The following TAF1B variants were observed in gnomAD, a reference collection of about 807,000 sequenced individuals.
TAF1B encodes TATA-box binding protein associated factor, RNA polymerase I subunit B.
TAF1B carries 61 observed loss-of-function variants against 83.9 expected under a neutral mutation model. That is an observed-to-expected ratio of 0.73 (90% CI 0.59 to 0.90). The LOEUF (loss-of-function observed/expected upper bound fraction) is 0.90. TAF1B is among the 40% of genes least tolerant of loss of function. TAF1B has a pLI of 0.00. For missense variants in TAF1B, 625 were observed against 677.0 expected (o/e 0.92, Z 0.85); for synonymous variants, 221 against 224.6 (o/e 0.98, Z 0.14).
chr2:9,868,188 T>C (rs1410041941), intron 5 of TAF1B, 88 bp from the exon 6 acceptor site: 1 of 1,372,452 alleles, frequency 7.3e-7, no homozygotes, highest in Admixed American at 2.0e-5. Context: ...TCTTTTAGGG[T>C]GTTTGTGATA....
intron 5 of TAF1B, among the ~76,000 whole-genome samples, chr2:9,859,128 G>A (rs963515445): frequency 2.6e-5 from 4 of 152,084 alleles, no homozygotes; most frequent in African/African-American, 7.2e-5. Flanking sequence ...TAATCTCTTT[G>A]TGAACACACA....
rs112689063 is a variant in TAF1B, at chr2:9,875,738, G to A, written c.554-127G>A. On this transcript the variant is annotated intron_variant, in intron 6 of 14. Transcript: ENST00000263663. ...AATTATGAGAACTACAGTTCAAGAT[G>A]AGATTTGGGTGAGGACACAGCCAAA... 9.4e-4 allele frequency: 881 copies of A among 932,958 alleles called. 10 individuals carry two copies. In the African/African-American group the frequency reaches 0.013, roughly 13 times the overall value. 57.8% of individuals were successfully genotyped at this position (932,958 alleles called of 1,614,324 possible).
chr2:9,851,639 G>A lies in TAF1B; in HGVS notation c.303+1G>A, dbSNP rs1423151388. 2.5e-6 allele frequency: 4 copies of A among 1,604,260 alleles called. No individual in the cohort carries two copies. Among genetic ancestry groups the A allele is most frequent in the Non-Finnish European group, 3.4e-6 (4 of 1,176,402 alleles). On this transcript the variant is annotated splice_donor_variant, in intron 4 of 14. Coordinates refer to ENST00000263663, the MANE Select transcript of TAF1B (RefSeq NM_005680.3). LOFTEE classifies it high-confidence loss of function. ...CCTTGGAGTAGGCCCAGAGTTAAAG[G>A]TAAGTACATTTGTGACTAGATGTTA...
intron 2 of TAF1B, among the ~76,000 whole-genome samples, chr2:9,847,513 A>G (rs1313043245): frequency 2.0e-5 from 3 of 152,116 alleles, no homozygotes; most frequent in East Asian, 1.9e-4. Context: ...AACTTGCCCT[A>G]TTTTTCTGCC....
At chr2:9,907,977 T>C (rs1201156176) in intron 9 of TAF1B, among the ~76,000 whole-genome samples, 1 of 151,466 alleles carries the variant, frequency 6.6e-6, no homozygotes, top group Non-Finnish European at 1.5e-5. Flanking sequence ...CAGTTGCTTT[T>C]CTTATTAGTC....
intron 6 of TAF1B, among the ~76,000 whole-genome samples, chr2:9,871,603 T>C (rs1055102721): frequency 6.6e-6 from 1 of 152,224 alleles, no homozygotes; most frequent in Admixed American, 6.5e-5. Flanking sequence ...CTAAGATAGC[T>C]ATTCTTACTT....
At chr2:9,891,567 ACTT>A (rs1458755471) in intron 8 of TAF1B, among the ~76,000 whole-genome samples, 1 of 152,166 alleles carries the variant, frequency 6.6e-6, no homozygotes, top group African/African-American at 2.4e-5. Context: ...TTTAAAGTGT[ACTT>A]CTTCTACTTA....
chr2:9,853,676 C>T (rs1481259575), intron 4 of TAF1B, among the ~76,000 whole-genome samples: 2 of 152,092 alleles, frequency 1.3e-5, no homozygotes, highest in Non-Finnish European at 2.9e-5. Context: ...CCATGTTGCC[C>T]AGGCTGGTTT....
chr2:9,851,426 TGAAA>T, intron 3 of TAF1B, 111 bp from the exon 4 acceptor site: 1 of 664,804 alleles, frequency 1.5e-6, no homozygotes, highest in Non-Finnish European at 2.3e-6. Context: ...CTGGGTTAAT[TGAAA>T]AAAAAAGAAA....
At position 9,919,046 on chromosome 2, in the gene TAF1B, T is replaced by C; in HGVS notation, c.1277T>C (p.Leu426Pro). The change falls in exon 13 of 15, where the codon CTG becomes CCG. Residue 426 changes from leucine to proline, a missense_variant. Coordinates refer to ENST00000263663, the MANE Select transcript of TAF1B (RefSeq NM_005680.3). ...TGTTTCTTTACCTTGTACAGGTACC[T>C]GTGGAAAAGTGAAAAGCCACTCTAC... Reference protein sequence around the residue: ...QKWEEARAKYLWKSEKPLYYS... With the variant: ...QKWEEARAKYPWKSEKPLYYS... 1 of 1,614,076 alleles carries C rather than the reference T, an allele frequency of 6.2e-7. No individual in the cohort carries two copies. Among genetic ancestry groups the C allele is most frequent in the Non-Finnish European group, 8.5e-7 (1 of 1,179,940 alleles).
intron 8 of TAF1B, among the ~76,000 whole-genome samples, chr2:9,887,864 T>A (rs1664728808): frequency 6.6e-6 from 1 of 152,094 alleles, no homozygotes; most frequent in Non-Finnish European, 1.5e-5. Flanking sequence ...TGTTTTATGT[T>A]TTTTAAGGCA....
chr2:9,850,189 T>C (rs1303565881), intron 3 of TAF1B, among the ~76,000 whole-genome samples: 1 of 152,182 alleles, frequency 6.6e-6, no homozygotes, highest in Non-Finnish European at 1.5e-5. Flanking sequence ...TTAAATTTTA[T>C]TGGAGTAAAA....
intron 8 of TAF1B, among the ~76,000 whole-genome samples, chr2:9,885,651 G>A (rs1482113051): frequency 6.6e-6 from 1 of 152,072 alleles, no homozygotes; most frequent in East Asian, 1.9e-4. Context: ...AGCGACTAGT[G>A]GAACTAAGTT....
chr2:9,862,861 G>A (rs1663822852), intron 5 of TAF1B, among the ~76,000 whole-genome samples: 1 of 152,092 alleles, frequency 6.6e-6, no homozygotes, highest in South Asian at 2.1e-4. Context: ...ATAAGTGAAG[G>A]AGAAATAAAA....
intron 14 of TAF1B, among the ~76,000 whole-genome samples, chr2:9,925,154 T>C (rs1665995624): frequency 6.6e-6 from 1 of 152,154 alleles, no homozygotes; most frequent in African/African-American, 2.4e-5. Flanking sequence ...GAAAAAACAG[T>C]ACTCAGGCCG....
chr2:9,881,294 T>C (rs1213048062), intron 7 of TAF1B, among the ~76,000 whole-genome samples: 2 of 151,686 alleles, frequency 1.3e-5, no homozygotes, highest in African/African-American at 2.4e-5. Flanking sequence ...GCTGAGATCA[T>C]GCCACTGCAC....
intron 14 of TAF1B, among the ~76,000 whole-genome samples, chr2:9,932,206 G>A (rs1208210056): frequency 3.3e-5 from 5 of 152,158 alleles, no homozygotes; most frequent in East Asian, 1.9e-4. Flanking sequence ...GCTTTGTTCC[G>A]TTGCTGGCAA....
intron 7 of TAF1B, among the ~76,000 whole-genome samples, chr2:9,881,320 A>G (rs1664498886): frequency 6.6e-6 from 1 of 152,060 alleles, no homozygotes; most frequent in African/African-American, 2.4e-5. Flanking sequence ...GCTGGGCGAC[A>G]GTGAGACTCT....
At chr2:9,926,134 C>T (rs1408094226) in intron 14 of TAF1B, among the ~76,000 whole-genome samples, 1 of 151,970 alleles carries the variant, frequency 6.6e-6, no homozygotes, top group Admixed American at 6.6e-5. Flanking sequence ...ACCCCTCTGC[C>T]CCCCATTATT....
Sources: gnomAD v4.1 joint callset for allele counts (sites outside exome capture counted in the v4.1 genomes callset) on GRCh38, gnomAD v4.1.1 for gene constraint, MANE v1.5 for transcripts, NCBI Gene and HGNC (gene_info 2026-07-23, HGNC 2026-07-21) for gene names.